Variants in DACH2 observed in about 807,000 individuals in gnomAD.
DACH2 encodes the protein dachshund family transcription factor 2.
In DACH2, 17 loss-of-function variants were observed where a neutral mutation model predicts 35.8. The observed-to-expected ratio is 0.48, with a 90% CI of 0.33 to 0.71. The LOEUF is 0.71. DACH2 is among the 30% of genes least tolerant of loss of function. The pLI is 0.02. For missense variants in DACH2, 469 were observed against 472.7 expected, an observed-to-expected ratio of 0.99 and a Z score of 0.07; for synonymous variants, 195 against 177.3, an observed-to-expected ratio of 1.10 and a Z score of -0.79.
At chrX:86,239,085 A>G (rs2033113986) in intron 1 of DACH2, among the ~76,000 whole-genome samples, 1 of 111,725 alleles carries the variant, frequency 9.0e-6, no homozygotes, top group Non-Finnish European at 1.9e-5. Context: ...TAAGGTGACA[A>G]TCCCAAATTT....
At chrX:86,552,729 G>A (rs991741379) in intron 3 of DACH2, among the ~76,000 whole-genome samples, 1 of 111,468 alleles carries the variant, frequency 9.0e-6, no homozygotes, top group African/African-American at 3.3e-5. Context: ...TAGAGCCAAT[G>A]TGAATCTAAT....
intron 3 of DACH2, among the ~76,000 whole-genome samples, chrX:86,591,783 G>A (rs1035045675): frequency 9.0e-6 from 1 of 110,695 alleles, no homozygotes; most frequent in African/African-American, 3.3e-5. Flanking sequence ...TGATTCACCC[G>A]CCTCAGCCTC....
At chrX:86,544,943 C>T (rs779932479) in intron 3 of DACH2, among the ~76,000 whole-genome samples, 134 of 112,064 alleles carry the variant, frequency 1.2e-3, no homozygotes, top group African/African-American at 4.3e-3. Flanking sequence ...GCTGGGATTG[C>T]TGATGTGTGC....
At chrX:86,746,516 T>C (rs976050009) in intron 7 of DACH2, among the ~76,000 whole-genome samples, 1 of 112,360 alleles carries the variant, frequency 8.9e-6, no homozygotes, top group Non-Finnish European at 1.9e-5. Flanking sequence ...ATTTTGAGCA[T>C]CTTTTCCTGT....
chrX:86,511,315 GTA>G (rs2038393002), intron 2 of DACH2, among the ~76,000 whole-genome samples: 2 of 111,639 alleles, frequency 1.8e-5, no homozygotes, highest in African/African-American at 6.5e-5. Flanking sequence ...TTGTATGTAG[GTA>G]TATTGACTAT....
At chrX:86,631,740 T>C (rs764733421) in intron 3 of DACH2, among the ~76,000 whole-genome samples, 3 of 112,022 alleles carry the variant, frequency 2.7e-5, no homozygotes, top group African/African-American at 9.7e-5. Context: ...CAAACTAATA[T>C]GATGGGAAGG....
intron 1 of DACH2, among the ~76,000 whole-genome samples, chrX:86,231,169 T>A (rs889290842): frequency 8.9e-6 from 1 of 111,960 alleles, no homozygotes; most frequent in Non-Finnish European, 1.9e-5. Flanking sequence ...CCCAGAGGTT[T>A]TCATAGGTTG....
Position 86,148,746 on chromosome X carries a change from G to A in DACH2, c.126G>A (p.Met42Ile). 1 of 1,211,130 alleles carries A rather than the reference G, an allele frequency of 8.3e-7. No individual in the cohort carries two copies. Among genetic ancestry groups the A allele is most frequent in the Non-Finnish European group, 1.1e-6 (1 of 895,364 alleles). The change falls in exon 1 of 12, where the codon ATG (methionine) becomes ATA (isoleucine). Residue 42 changes from methionine to isoleucine, a missense_variant. Transcript: ENST00000373125. ...PREPPRLTPN[M>I]INSFVVNNHS... is the part of the protein sequence containing the mutation. Reference sequence around the variant, plus strand: ...AGCCCCCTCGTCTTACTCCTAATATGATCAATAGTTTCGTGGTTAATAACC... The same window carrying A: ...AGCCCCCTCGTCTTACTCCTAATATAATCAATAGTTTCGTGGTTAATAACC...
At chrX:86,478,891 C>G (rs2037891663) in intron 2 of DACH2, among the ~76,000 whole-genome samples, 1 of 111,343 alleles carries the variant, frequency 9.0e-6, no homozygotes, top group Non-Finnish European at 1.9e-5. Context: ...CAATTAGATC[C>G]TCTGCCTTAT....
intron 3 of DACH2, among the ~76,000 whole-genome samples, chrX:86,609,530 T>C (rs765669668): frequency 1.8e-5 from 2 of 112,218 alleles, no homozygotes; most frequent in African/African-American, 6.5e-5. Context: ...TTGTCGGTGT[T>C]TGTGTCTAGT....
At chrX:86,415,217 T>C (rs188020182) in intron 2 of DACH2, among the ~76,000 whole-genome samples, 1 of 112,149 alleles carries the variant, frequency 8.9e-6, no homozygotes, top group Non-Finnish European at 1.9e-5. Context: ...CAATTTGGAC[T>C]GACAGTCTAG....
intron 2 of DACH2, among the ~76,000 whole-genome samples, chrX:86,421,183 C>T (rs761694269): frequency 3.1e-4 from 35 of 111,765 alleles, no homozygotes; most frequent in African/African-American, 1.1e-3. Flanking sequence ...CTTTATAGAA[C>T]TTGAAAATTA....
chrX:86,579,931 A>G (rs1450244138), intron 3 of DACH2, among the ~76,000 whole-genome samples: 1 of 111,991 alleles, frequency 8.9e-6, no homozygotes, highest in African/African-American at 3.2e-5. Context: ...AGCACAGATT[A>G]TACTGCAGTG....
chrX:86,489,643 A>G (rs1361234296), intron 2 of DACH2, among the ~76,000 whole-genome samples: 2 of 111,659 alleles, frequency 1.8e-5, no homozygotes, highest in Non-Finnish European at 3.8e-5. Context: ...ACAATGTTTT[A>G]CTTGTCAATT....
intron 3 of DACH2, among the ~76,000 whole-genome samples, chrX:86,546,406 T>TTCTTCTTCTTCTTCTTCTTCTTCC (rs2038967707): frequency 2.2e-5 from 2 of 91,683 alleles, no homozygotes; most frequent in Non-Finnish European, 4.2e-5. Flanking sequence ...TTCTTCTTCC[T>TTCTTCTTCTTCTTCTTCTTCTTCC]TCTTCTTCTT....
chrX:86,442,433 G>T (rs1435253693), intron 2 of DACH2, among the ~76,000 whole-genome samples: 1 of 95,600 alleles, frequency 1.0e-5, no homozygotes, highest in Admixed American at 1.2e-4. Flanking sequence ...AGTTTCTTAC[G>T]CAATCTGGAT....
At chrX:86,631,963 C>A (rs1051615331) in intron 3 of DACH2, among the ~76,000 whole-genome samples, 1 of 110,501 alleles carries the variant, frequency 9.0e-6, no homozygotes, top group Admixed American at 9.6e-5. Flanking sequence ...ATTAAAAAAA[C>A]AATTTCAGAA....
intron 1 of DACH2, among the ~76,000 whole-genome samples, chrX:86,368,315 C>T (rs1381819673): frequency 9.0e-6 from 1 of 111,102 alleles, no homozygotes; most frequent in Non-Finnish European, 1.9e-5. Flanking sequence ...TCGTAATATT[C>T]CTGATGTAAG....
chrX:86,479,897 A>G (rs1367342431), intron 2 of DACH2, among the ~76,000 whole-genome samples: 1 of 112,499 alleles, frequency 8.9e-6, no homozygotes, highest in Non-Finnish European at 1.9e-5. Flanking sequence ...TTAAATTTCT[A>G]TGAGTTTCCT....
Sources: gnomAD v4.1 joint callset for allele counts (sites outside exome capture counted in the v4.1 genomes callset) on GRCh38, gnomAD v4.1.1 for gene constraint, MANE v1.5 for transcripts, NCBI Gene and HGNC (gene_info 2026-07-23, HGNC 2026-07-21) for gene names.